Variants in JAM2 observed in about 807,000 individuals in gnomAD.
The protein encoded by JAM2 is junctional adhesion molecule B.
Under a neutral mutation model 42.0 loss-of-function variants are expected in JAM2, and 17 were observed. That is an observed-to-expected ratio of 0.40 (90% CI 0.28 to 0.61). JAM2 has a LOEUF of 0.61. JAM2 is among the 20% of genes least tolerant of loss of function. The pLI is 0.37. For synonymous variants in JAM2, 118 were observed against 128.6 expected (o/e 0.92, Z 0.56); for missense variants, 319 against 358.3 (o/e 0.89, Z 0.89).
chr21:25,674,411 T>TA (rs1268302860), intron 1 of JAM2, among the ~76,000 whole-genome samples: 11 of 151,678 alleles, frequency 7.3e-5, no homozygotes, highest in Non-Finnish European at 1.0e-4. Flanking sequence ...TAAAATAAAA[T>TA]AAAAAATAAA....
intron 3 of JAM2, among the ~76,000 whole-genome samples, chr21:25,692,874 T>A (rs1278021639): frequency 2.6e-5 from 4 of 152,340 alleles, no homozygotes; most frequent in Non-Finnish European, 5.9e-5. Context: ...GTAAATTTTT[T>A]AAAAAAGATA....
intron 1 of JAM2, among the ~76,000 whole-genome samples, chr21:25,665,761 C>T (rs1003922805): frequency 6.6e-6 from 1 of 152,166 alleles, no homozygotes; most frequent in Non-Finnish European, 1.5e-5. Context: ...TAATCTCACG[C>T]CACACACAGT....
At chr21:25,643,863 C>T (rs1262277243) in intron 1 of JAM2, 1 of 152,166 alleles carries the variant, frequency 6.6e-6, no homozygotes, top group Admixed American at 6.5e-5. Context: ...ATGTTCACCA[C>T]CCATGGTTTC....
intron 1 of JAM2, among the ~76,000 whole-genome samples, chr21:25,675,473 G>A (rs987531129): frequency 4.6e-5 from 7 of 151,728 alleles, no homozygotes; most frequent in Admixed American, 4.6e-4. Flanking sequence ...TCTAGCCTTG[G>A]TGACAGAGGG....
rs2033935989 is a variant in JAM2, at chr21:25,693,823, T to C, written c.309T>C (p.Asp103=). The C allele has an allele frequency of 3.1e-6, 5 of 1,614,088 alleles. No homozygotes were observed. The highest frequency in any genetic ancestry group is 4.2e-6 in the Non-Finnish European group (5 of 1,179,918). The change falls in exon 4 of 10, where the codon GAT becomes GAC. Residue 103 remains aspartate (D), a synonymous_variant. Coordinates refer to ENST00000480456, the MANE Select transcript of JAM2 (RefSeq NM_021219.4). The part of the protein sequence containing the change: ...NIRIKNVTRS[D]AGKYRCEVSA... ...GGATCAAAAATGTGACAAGAAGTGA[T>C]GCGGGGAAATATCGTTGTGAAGTTA...
At chr21:25,674,084 C>G (rs2033426999) in intron 1 of JAM2, among the ~76,000 whole-genome samples, 1 of 152,146 alleles carries the variant, frequency 6.6e-6, no homozygotes, top group Admixed American at 6.6e-5. Flanking sequence ...TCCATTAAAC[C>G]TCTTTCCTTT....
intron 6 of JAM2, among the ~76,000 whole-genome samples, chr21:25,702,692 C>T (rs916796394): frequency 6.6e-6 from 1 of 152,154 alleles, no homozygotes; most frequent in African/African-American, 2.4e-5. Context: ...TTATAGTCAA[C>T]GTAGCACTTA....
intron 1 of JAM2, among the ~76,000 whole-genome samples, chr21:25,656,042 A>AT (rs201084944): frequency 0.057 from 8,450 of 148,526 alleles, 253 homozygotes; most frequent in Middle Eastern, 0.096. Context: ...TAGGAGCTAC[A>AT]TTTTTTTTTT....
At chr21:25,652,375 G>T (rs2032806375) in intron 1 of JAM2, among the ~76,000 whole-genome samples, 1 of 152,072 alleles carries the variant, frequency 6.6e-6, no homozygotes, top group Admixed American at 6.6e-5. Context: ...GTGGGTGACA[G>T]AGAAAGATGC....
intron 9 of JAM2, chr21:25,714,422 C>T (rs551735237): frequency 1.7e-4 from 80 of 458,526 alleles, no homozygotes; most frequent in Non-Finnish European, 2.9e-4. Flanking sequence ...CACTTGAACC[C>T]GGGAGGCGGA....
chr21:25,682,651 G>A (rs1386207050), intron 1 of JAM2, among the ~76,000 whole-genome samples: 1 of 152,196 alleles, frequency 6.6e-6, no homozygotes, highest in Admixed American at 6.5e-5. Context: ...CTGCCTTTTC[G>A]CATGGGCCGA....
intron 2 of JAM2, among the ~76,000 whole-genome samples, chr21:25,686,444 A>G (rs913983088): frequency 7.0e-6 from 1 of 142,492 alleles, no homozygotes; most frequent in East Asian, 1.9e-4. Flanking sequence ...TGATTTGTGT[A>G]TATGTGTATG....
chr21:25,696,854 T>G (rs1403368787), intron 4 of JAM2, among the ~76,000 whole-genome samples: 1 of 152,194 alleles, frequency 6.6e-6, no homozygotes, highest in Non-Finnish European at 1.5e-5. Flanking sequence ...AAGAAAAGCA[T>G]ATCAAATTCT....
At chr21:25,662,138 CT>C (rs553487813) in intron 1 of JAM2, among the ~76,000 whole-genome samples, 8 of 152,046 alleles carry the variant, frequency 5.3e-5, no homozygotes, top group East Asian at 1.9e-4. Context: ...AAACTTAATA[CT>C]TTTTTTTATT....
intron 1 of JAM2, among the ~76,000 whole-genome samples, chr21:25,652,852 G>A (rs1175359907): frequency 6.6e-6 from 1 of 152,212 alleles, no homozygotes; most frequent in Non-Finnish European, 1.5e-5. Flanking sequence ...AATCAGCTTT[G>A]AAGAAGTAAC....
At chr21:25,680,244 G>A (rs1268769490) in intron 1 of JAM2, among the ~76,000 whole-genome samples, 31 of 152,130 alleles carry the variant, frequency 2.0e-4, no homozygotes, top group Admixed American at 2.0e-3. Context: ...TAATCTAATG[G>A]CTAGGACTTT....
intron 1 of JAM2, among the ~76,000 whole-genome samples, chr21:25,651,275 A>T (rs2032774941): frequency 6.6e-6 from 1 of 152,224 alleles, no homozygotes; most frequent in Non-Finnish European, 1.5e-5. Flanking sequence ...CAAATATCAA[A>T]ATTTTATAAA....
Position 25,639,777 on chromosome 21 carries a change from G to C in JAM2, c.-45G>C. 6.9e-7 allele frequency: 1 copy of C among 1,442,716 alleles called. No individual in the cohort carries two copies. The highest frequency in any genetic ancestry group is 9.4e-7 in the Non-Finnish European group (1 of 1,062,932). The allele number at this position is 1,442,716 out of a possible 1,614,324, so 89.4% of individuals were successfully genotyped here. A position where few individuals can be genotyped will look rare whatever the true frequency, so the allele number is the denominator to read the frequency against. ...CCCGGCCTCCTGCGCTCCTGCCGCC[G>C]GGACCCTCGACCTCCTCAGAGCAGC... is the stretch of plus-strand genomic sequence containing the variant. On this transcript the variant is annotated 5_prime_UTR_variant, in exon 1 of 10. Coordinates refer to ENST00000480456, the MANE Select transcript of JAM2 (RefSeq NM_021219.4).
intron 1 of JAM2, among the ~76,000 whole-genome samples, chr21:25,643,111 G>A (rs760641517): frequency 2.6e-5 from 4 of 152,194 alleles, no homozygotes; most frequent in African/African-American, 4.8e-5. Context: ...ATGAATGTGG[G>A]GGGACATAAA....
Sources: allele counts gnomAD v4.1 joint callset (sites outside exome capture counted in the v4.1 genomes callset), GRCh38; gene constraint gnomAD v4.1.1; transcripts MANE v1.5; gene names NCBI Gene and HGNC (gene_info 2026-07-23, HGNC 2026-07-21).